The following OTOA variants were observed in gnomAD, a reference collection of about 807,000 sequenced individuals.
The protein encoded by OTOA is cancer/testis antigen 108.
In OTOA, 70 loss-of-function variants were observed where a neutral mutation model predicts 110.8. The ratio of observed to expected loss-of-function variants is 0.63; its 90% CI spans 0.52 to 0.77. The LOEUF is 0.77. Among genes scored for constraint, OTOA ranks in the 30% least tolerant of loss-of-function variants. The pLI, the probability that OTOA is intolerant of heterozygous loss-of-function variation, is 0.00. For missense variants in OTOA, 917 were observed against 1,075.8 expected, an observed-to-expected ratio of 0.85 and a Z score of 2.06; for synonymous variants, 373 against 431.5, an observed-to-expected ratio of 0.86 and a Z score of 1.68.
At chr16:21,704,981 T>C (rs117261711) in intron 11 of OTOA, 188 bp from the exon 12 acceptor site, 19 of 911,742 alleles carry the variant, frequency 2.1e-5, no homozygotes, top group Middle Eastern at 3.2e-4. Context: ...CTTGGTCTCG[T>C]CTGAGCAGTT....
At position 21,713,211 on chromosome 16, in the gene OTOA, C is replaced by T. The variant is rs961009793; in HGVS notation, c.1321-1774C>T. ...AACTCCTGGGCTCAAGCAATCTACTCGCCTTGGCCTCCCAAAGAGAAGGAG... is the reference window on the plus strand; with the variant it reads ...AACTCCTGGGCTCAAGCAATCTACTTGCCTTGGCCTCCCAAAGAGAAGGAG... On this transcript the variant is annotated intron_variant, in intron 13 of 28. Coordinates refer to ENST00000646100, the MANE Select transcript of OTOA (RefSeq NM_144672.4). 2.0e-5 allele frequency among the ~76,000 whole-genome samples: 3 copies of T among 152,172 alleles called. No homozygotes were observed. The South Asian group carries it at 6.2e-4, about 32-fold the overall frequency.
chr16:21,683,660 C>G (rs1172659379), intron 6 of OTOA, among the ~76,000 whole-genome samples: 1 of 151,952 alleles, frequency 6.6e-6, no homozygotes, highest in Non-Finnish European at 1.5e-5. Flanking sequence ...GAGCTATGAT[C>G]ATACCACTGC....
At chr16:21,679,779 T>C (rs926322796) in intron 5 of OTOA, among the ~76,000 whole-genome samples, 2 of 152,152 alleles carry the variant, frequency 1.3e-5, no homozygotes, top group African/African-American at 4.8e-5. Context: ...AACAATCTAA[T>C]CCTCACAAGT....
intron 1 of OTOA, among the ~76,000 whole-genome samples, chr16:21,673,359 G>A (rs770660827): frequency 2.4e-4 from 37 of 151,930 alleles, no homozygotes; most frequent in Non-Finnish European, 3.7e-4. Flanking sequence ...ATTTTATATC[G>A]TTTTCTTCAA....
intron 17 of OTOA, among the ~76,000 whole-genome samples, chr16:21,722,242 A>G (rs1365176893): frequency 6.8e-6 from 1 of 148,098 alleles, no homozygotes; most frequent in East Asian, 1.9e-4. Flanking sequence ...AGCCTAGGTG[A>G]CAGAGTGAGA....
At position 21,695,405 on chromosome 16, in the gene OTOA, T is replaced by C. The variant is rs139057628; in HGVS notation, c.740-2370T>C. Among the ~76,000 whole-genome samples, 1,180 of 152,156 alleles carry C rather than the reference T, an allele frequency of 7.8e-3. 11 individuals carry two copies. The highest frequency in any genetic ancestry group is 0.012 in the Non-Finnish European group (810 of 68,000). On this transcript the variant is annotated intron_variant, in intron 9 of 28. Transcript: ENST00000646100. ...AAAAAAATCCCAAGCTTGGGGATGA[T>C]TGATCTACAGAAATACAGTTTATGC...
rs1898301219 is a variant in OTOA, at chr16:21,709,890, C to G, written c.1107C>G (p.Leu369=). The G allele has an allele frequency of 6.2e-7, 1 of 1,613,006 alleles. No individual in the cohort carries two copies. The highest frequency in any genetic ancestry group is 8.5e-7 in the Non-Finnish European group (1 of 1,179,058). Residue 369 remains leucine, a splice_region_variant and synonymous_variant, in exon 13 of 29, where the codon CTC becomes CTG. Coordinates refer to ENST00000646100, the MANE Select transcript of OTOA (RefSeq NM_144672.4). ...LRGFQAGVQK[L]KAELLDIAME... Reference sequence around the variant, plus strand: ...ATTCCAGTTTGCTCTCCTTCCAGCTCAAAGCAGAACTCCTGGACATTGCCA... The same window carrying G: ...ATTCCAGTTTGCTCTCCTTCCAGCTGAAAGCAGAACTCCTGGACATTGCCA...
chr16:21,681,657 C>T lies in OTOA; in HGVS notation c.180-81C>T, dbSNP rs1181246480. On this transcript the variant is annotated intron_variant, in intron 5 of 28. Coordinates refer to ENST00000646100, the MANE Select transcript of OTOA (RefSeq NM_144672.4). ...ACACCCCTGGTCCATCCCTACCTGT[C>T]CCCTGGGCACTTAGCTAGTACAGTA... 4 of 1,202,118 alleles carry T rather than the reference C, an allele frequency of 3.3e-6. No individual in the cohort carries two copies. The South Asian group carries it at 3.7e-5, about 11-fold the overall frequency. The allele number at this position is 1,202,118 out of a possible 1,614,324, so 74.5% of individuals were successfully genotyped here.
chr16:21,716,641 GC>G (rs1567386320), intron 14 of OTOA, among the ~76,000 whole-genome samples: 1 of 152,082 alleles, frequency 6.6e-6, no homozygotes, highest in Admixed American at 6.6e-5. Context: ...ATAGCAAGTA[GC>G]CCATACAGTT....
At chr16:21,728,555 A>G (rs1465928661) in intron 20 of OTOA, 124 bp downstream of exon 20, 1 of 1,194,210 alleles carries the variant, frequency 8.4e-7, no homozygotes, top group African/African-American at 1.6e-5. Flanking sequence ...TCTTATGCTT[A>G]TTTTGGAAAT....
chr16:21,722,046 A>C (rs1485085068), intron 17 of OTOA, among the ~76,000 whole-genome samples: 1 of 151,066 alleles, frequency 6.6e-6, no homozygotes, highest in Non-Finnish European at 1.5e-5. Flanking sequence ...CAACCTAAAA[A>C]AATTTTTAAA....
At chr16:21,702,661 A>C (rs1371099946) in intron 11 of OTOA, among the ~76,000 whole-genome samples, 3 of 152,088 alleles carry the variant, frequency 2.0e-5, no homozygotes, top group African/African-American at 7.2e-5. Flanking sequence ...GTGCTCAATG[A>C]ATAATATTTT....
chr16:21,684,469 G>A, intron 6 of OTOA: 2 of 1,546,076 alleles, frequency 1.3e-6, no homozygotes, highest in Non-Finnish European at 1.7e-6. Flanking sequence ...CTTGGGTTTG[G>A]GCACAGTGCC....
rs778626297 is a variant in OTOA, at chr16:21,717,005, C to A, written c.1587C>A (p.Phe529Leu). The A allele has an allele frequency of 6.2e-6, 10 of 1,613,988 alleles. No homozygotes were observed. The Admixed American group carries it at 1.5e-4, about 24-fold the overall frequency. ...TTGATTTAAGGAGGCAACCTGGATT[C>A]AACTCTACAGTCCTGAAGGATAAGG... ...SLFDLRRQPGFNSTVLKDKEL... is the reference protein window; with the variant it reads ...SLFDLRRQPGLNSTVLKDKEL... The change falls in exon 15 of 29, where the codon TTC (phenylalanine) becomes TTA (leucine). Residue 529 changes from phenylalanine (F) to leucine (L), a missense_variant. By Grantham distance (22) the Phe-to-Leu change is conservative. Around this residue, in one of 6 missense-constraint regions of OTOA, gnomAD observed 840 missense variants for 910.2 expected, o/e 0.92. Coordinates refer to ENST00000646100, the MANE Select transcript of OTOA (RefSeq NM_144672.4).
intron 10 of OTOA, 71 bp downstream of exon 10, chr16:21,697,946 T>A: frequency 7.5e-7 from 1 of 1,331,406 alleles, no homozygotes; most frequent in Non-Finnish European, 1.1e-6. Context: ...TCTCAAACTC[T>A]AATGTTCATC....
At position 21,710,046 on chromosome 16, in the gene OTOA, A is replaced by C; in HGVS notation, c.1263A>C (p.Ser421=). The change falls in exon 13 of 29, where the codon TCA becomes TCC. Residue 421 remains serine, a synonymous_variant. Transcript: ENST00000646100. Reference sequence around the variant, plus strand: ...CCATCTCCACCCTCAACCAGGTCTCAGGTTGGGCCAAGAGCCAGGTCATCA... The same window carrying C: ...CCATCTCCACCCTCAACCAGGTCTCCGGTTGGGCCAAGAGCCAGGTCATCA... ...HGAISTLNQV[S]GWAKSQVIIL... is the part of the protein sequence containing the mutation. 1 of 1,614,040 alleles carries C rather than the reference A, an allele frequency of 6.2e-7. No individual in the cohort carries two copies.
chr16:21,701,355 T>C (rs1306226469), intron 11 of OTOA, among the ~76,000 whole-genome samples: 1 of 152,214 alleles, frequency 6.6e-6, no homozygotes, highest in African/African-American at 2.4e-5. Flanking sequence ...CCAAAGTGAA[T>C]GTGTGATTTC....
At chr16:21,679,763 T>C (rs1966874640) in intron 5 of OTOA, among the ~76,000 whole-genome samples, 1 of 152,090 alleles carries the variant, frequency 6.6e-6, no homozygotes, top group Admixed American at 6.6e-5. Context: ...AAGCGCTTGG[T>C]ATAGAAACAA....
intron 9 of OTOA, among the ~76,000 whole-genome samples, chr16:21,692,113 G>A (rs1470556129): frequency 6.6e-6 from 1 of 152,112 alleles, no homozygotes; most frequent in East Asian, 1.9e-4. Context: ...GATTGCCGGA[G>A]GTCAGGAGTT....
Sources: gnomAD v4.1 joint callset for allele counts (sites outside exome capture counted in the v4.1 genomes callset) on GRCh38, gnomAD v4.1.1 for gene constraint, gnomAD v4.1.1 regional missense constraint, MANE v1.5 for transcripts, NCBI Gene and HGNC (gene_info 2026-07-23, HGNC 2026-07-21) for gene names.